PPP2R5C: variants seen among roughly 807,000 people sequenced by gnomAD.
PPP2R5C encodes protein phosphatase 2 regulatory subunit B'gamma.
Under a neutral mutation model 68.9 loss-of-function variants are expected in PPP2R5C, and 7 were observed. The observed-to-expected ratio is 0.10, with a 90% CI of 0.06 to 0.19. The LOEUF is 0.19. PPP2R5C is among the 10% of genes least tolerant of loss of function. The pLI, the probability that PPP2R5C is intolerant of heterozygous loss-of-function variation, is 1.00. For synonymous variants in PPP2R5C, 210 were observed against 222.2 expected, an observed-to-expected ratio of 0.95 and a Z score of 0.49; for missense variants, 348 against 641.3, an observed-to-expected ratio of 0.54 and a Z score of 4.94.
At chr14:101,792,492 A>C (rs2140098009) in intron 3 of PPP2R5C, among the ~76,000 whole-genome samples, 1 of 152,338 alleles carries the variant, frequency 6.6e-6, no homozygotes, top group African/African-American at 2.4e-5. Flanking sequence ...TTTTCTTACC[A>C]ACCAGAGATA....
chr14:101,787,520 T>C (rs1469048799), intron 3 of PPP2R5C, among the ~76,000 whole-genome samples: 9 of 151,746 alleles, frequency 5.9e-5, no homozygotes, highest in Non-Finnish European at 1.3e-4. Context: ...TCCCAGCACT[T>C]TGGGAGGCCA....
intron 2 of PPP2R5C, among the ~76,000 whole-genome samples, chr14:101,870,587 G>A (rs1446524050): frequency 6.6e-6 from 1 of 152,198 alleles, no homozygotes; most frequent in African/African-American, 2.4e-5. Flanking sequence ...TTGTGTGACT[G>A]CTATAACCTC....
chr14:101,817,480 G>A (rs538830554), intron 1 of PPP2R5C, among the ~76,000 whole-genome samples: 20 of 152,232 alleles, frequency 1.3e-4, no homozygotes, highest in East Asian at 9.7e-4. Flanking sequence ...CTGCACAGAC[G>A]GCCACACCAT....
intron 1 of PPP2R5C, 142 bp downstream of exon 1, chr14:101,762,062 A>G: frequency 1.1e-6 from 1 of 906,940 alleles, no homozygotes; most frequent in Non-Finnish European, 1.4e-6. Flanking sequence ...AGGGCGGCCG[A>G]GCCAGGCATC....
intron 1 of PPP2R5C, 23 bp downstream of exon 1, chr14:101,761,943 G>A: frequency 8.4e-7 from 1 of 1,194,324 alleles, no homozygotes; most frequent in Non-Finnish European, 1.0e-6. Context: ...CCGGCCGCGG[G>A]ACGGAGGGAG....
chr14:101,863,667 C>T (rs1256242108), intron 2 of PPP2R5C, among the ~76,000 whole-genome samples: 1 of 152,160 alleles, frequency 6.6e-6, no homozygotes, highest in Non-Finnish European at 1.5e-5. Flanking sequence ...GAGGCCAAGG[C>T]TGGCGGATCA....
chr14:101,869,548 C>T (rs1022818866), intron 2 of PPP2R5C, among the ~76,000 whole-genome samples: 9 of 152,196 alleles, frequency 5.9e-5, no homozygotes, highest in East Asian at 1.9e-4. Context: ...CCCAACAGTG[C>T]GTGAGTTCTC....
chr14:101,887,573 C>T (rs372664544), intron 5 of PPP2R5C, among the ~76,000 whole-genome samples: 5 of 152,204 alleles, frequency 3.3e-5, no homozygotes, highest in African/African-American at 9.7e-5. Flanking sequence ...AGCAGGTCCC[C>T]ACGCTGCCTC....
At chr14:101,922,681 T>C (rs906211743) in intron 13 of PPP2R5C, among the ~76,000 whole-genome samples, 4 of 146,642 alleles carry the variant, frequency 2.7e-5, no homozygotes, top group Non-Finnish European at 6.0e-5. Flanking sequence ...TAGCCAGGCA[T>C]GTGGTGCGTG....
At chr14:101,893,580 G>A (rs112501079) in intron 7 of PPP2R5C, among the ~76,000 whole-genome samples, 3,960 of 152,242 alleles carry the variant, frequency 0.026, 75 homozygotes, top group Middle Eastern at 0.092. Flanking sequence ...GGAGAAAACC[G>A]TCTCTACTTA....
At position 101,913,985 on chromosome 14, in the gene PPP2R5C, CAA is replaced by C. The variant is rs369477172; in HGVS notation, c.1326+1513_1326+1514del. ...TGCATAAAATTGTTACATTACAAATCAAGAGCTGGTTGTTTGTGTTGACAAAC... is the reference window on the plus strand; with the variant it reads ...TGCATAAAATTGTTACATTACAAATCGAGCTGGTTGTTTGTGTTGACAAAC... On this transcript the variant is annotated intron_variant, in intron 12 of 13. Transcript: ENST00000334743. This position sits in a 1 kb window ranked among gnomAD's most constrained non-coding sequence, Gnocchi z 4.1. Among the ~76,000 whole-genome samples the C allele has an allele frequency of 8.7e-4, 132 of 152,330 alleles. 4 individuals are homozygous for C. The East Asian group carries it at 0.022, about 25-fold the overall frequency.
intron 1 of PPP2R5C, chr14:101,820,954 A>G (rs1478093988): frequency 6.6e-6 from 1 of 152,116 alleles, no homozygotes; most frequent in Non-Finnish European, 1.5e-5. Flanking sequence ...ATACTTTCTA[A>G]GAATGTAAAT....
At chr14:101,901,738 A>G (rs780425878) in exon 9 of PPP2R5C, 1 of 1,613,752 alleles carries the variant, frequency 6.2e-7, no homozygotes, top group East Asian at 2.2e-5. Flanking sequence ...GCACTTCTCA[A>G]ATACTGGCCA....
chr14:101,903,139 G>A (rs1455485568), intron 9 of PPP2R5C, among the ~76,000 whole-genome samples: 6 of 151,548 alleles, frequency 4.0e-5, no homozygotes, highest in East Asian at 1.9e-4. Context: ...CCAGCGCCAC[G>A]GAGCCCTGGC....
In PPP2R5C at chr14:101,825,952, G is replaced by A. The variant is rs1323881103; in HGVS notation, c.94+15916G>A. Reference sequence around the variant, plus strand: ...AAGCATGAAGAATGAAGAGGGAACTGACCAAGGATCGGTGAGAATAGGAGG... The same window carrying A: ...AAGCATGAAGAATGAAGAGGGAACTAACCAAGGATCGGTGAGAATAGGAGG... On this transcript the variant is annotated intron_variant, in intron 1 of 13. Coordinates refer to ENST00000334743, the Ensembl canonical transcript of PPP2R5C. The surrounding 1 kb of genome is among the most constrained non-coding windows in gnomAD (Gnocchi z 4.0). Among the ~76,000 whole-genome samples, 1 of 152,212 alleles carries A rather than the reference G, an allele frequency of 6.6e-6. No individual in the cohort carries two copies. The highest frequency in any genetic ancestry group is 1.5e-5 in the Non-Finnish European group (1 of 68,044).
intron 2 of PPP2R5C, among the ~76,000 whole-genome samples, chr14:101,880,653 A>G (rs545844818): frequency 1.1e-4 from 17 of 152,142 alleles, no homozygotes; most frequent in Non-Finnish European, 2.4e-4. Flanking sequence ...TAAAATTAGC[A>G]GAGCATGGTG....
At chr14:101,795,504 A>G (rs1243514064) in intron 3 of PPP2R5C, among the ~76,000 whole-genome samples, 1 of 152,216 alleles carries the variant, frequency 6.6e-6, no homozygotes, top group African/African-American at 2.4e-5. Context: ...AGTGTTAAAT[A>G]AAGAGACCTT....
intron 1 of PPP2R5C, chr14:101,843,818 G>T: frequency 4.5e-6 from 1 of 220,914 alleles, no homozygotes; most frequent in Non-Finnish European, 9.3e-6. Flanking sequence ...ATATTCTGAA[G>T]AGTTTCACAT....
intron 3 of PPP2R5C, among the ~76,000 whole-genome samples, chr14:101,799,480 G>C (rs759383056): frequency 5.9e-5 from 9 of 152,182 alleles, no homozygotes; most frequent in Non-Finnish European, 1.2e-4. Flanking sequence ...ATTTATTGAA[G>C]GCAGCCTCGC....
Sources: gnomAD v4.1 joint callset for allele counts (sites outside exome capture counted in the v4.1 genomes callset) on GRCh38, gnomAD v4.1.1 for gene constraint, Gnocchi (gnomAD v3.1) non-coding constraint, MANE v1.5 for transcripts, NCBI Gene and HGNC (gene_info 2026-07-23, HGNC 2026-07-21) for gene names.